ELF1: variants seen among roughly 807,000 people sequenced by gnomAD.
ELF1 encodes E74 like ETS transcription factor 1.
Under a neutral mutation model 59.9 loss-of-function variants are expected in ELF1, and 24 were observed. That is an observed-to-expected ratio of 0.40 (90% CI 0.29 to 0.56). The LOEUF is 0.56. Among genes scored for constraint, ELF1 ranks in the 20% least tolerant of loss-of-function variants. The pLI, the probability that ELF1 is intolerant of heterozygous loss-of-function variation, is 0.44. For synonymous variants in ELF1, 248 were observed against 266.2 expected (o/e 0.93, Z 0.67); for missense variants, 627 against 742.2 (o/e 0.84, Z 1.80).
intron 3 of ELF1, among the ~76,000 whole-genome samples, chr13:40,954,269 C>T (rs975012744): frequency 1.3e-5 from 2 of 152,142 alleles, no homozygotes; most frequent in Non-Finnish European, 2.9e-5. Context: ...TTGGATTTGT[C>T]CCCGCTCCAA....
At chr13:41,016,965 T>A (rs1464611847) in intron 1 of ELF1, among the ~76,000 whole-genome samples, 1 of 110,064 alleles carries the variant, frequency 9.1e-6, no homozygotes, top group East Asian at 2.6e-4. Flanking sequence ...TATATATATA[T>A]ATATATATAT....
intron 1 of ELF1, among the ~76,000 whole-genome samples, chr13:41,057,549 G>A (rs946053302): frequency 3.3e-5 from 5 of 151,956 alleles, no homozygotes; most frequent in African/African-American, 7.3e-5. Flanking sequence ...CAGGTGCAGC[G>A]GGTGCCACCA....
At position 40,958,915 on chromosome 13, in the gene ELF1, A is replaced by G. The variant is rs778688815; in HGVS notation, c.174T>C (p.Asn58=). 5.0e-6 allele frequency: 8 copies of G among 1,614,034 alleles called. No homozygotes were observed. In the South Asian group the frequency reaches 8.8e-5, roughly 18 times the overall value. Residue 58 remains asparagine (N), a synonymous_variant, in exon 3 of 9, where the codon AAT becomes AAC. Transcript: ENST00000239882. ...YAGLACVEEP[N]DMITESSLDV... is the part of the protein sequence containing the mutation. ...CCAGTGAACTCTCAGTAATCATGTC[A>G]TTGGGCTCTTCCACACAGGCTAGAC...
chr13:41,018,978 TA>T (rs1875575663), intron 1 of ELF1, among the ~76,000 whole-genome samples: 1 of 152,206 alleles, frequency 6.6e-6, no homozygotes, highest in African/African-American at 2.4e-5. Flanking sequence ...CTTTTATTCT[TA>T]AATTACATAG....
chr13:40,964,954 A>T (rs776590788), intron 2 of ELF1, among the ~76,000 whole-genome samples: 31 of 152,202 alleles, frequency 2.0e-4, no homozygotes, highest in Non-Finnish European at 4.3e-4. Context: ...AAATAAGGTT[A>T]CACTCTGAGG....
intron 2 of ELF1, among the ~76,000 whole-genome samples, chr13:40,971,440 G>A (rs951772217): frequency 2.6e-5 from 4 of 151,930 alleles, no homozygotes; most frequent in African/African-American, 4.8e-5. Context: ...TAATAGAAAC[G>A]GGGTCTCCCT....
At chr13:40,956,191 G>A (rs1244953287) in intron 3 of ELF1, among the ~76,000 whole-genome samples, 1 of 150,470 alleles carries the variant, frequency 6.6e-6, no homozygotes, top group South Asian at 2.1e-4. Context: ...TGTAGAAAGA[G>A]GTAGACGTGG....
At chr13:41,012,133 C>T (rs1411127726) in intron 1 of ELF1, among the ~76,000 whole-genome samples, 1 of 151,702 alleles carries the variant, frequency 6.6e-6, no homozygotes, top group Non-Finnish European at 1.5e-5. Context: ...ATGGCAAAAC[C>T]TCATCTCTAC....
intron 8 of ELF1, among the ~76,000 whole-genome samples, chr13:40,935,068 G>A (rs1869674066): frequency 6.6e-6 from 1 of 152,140 alleles, no homozygotes. Flanking sequence ...TAAAGCTACA[G>A]TTTAACATAA....
At chr13:40,992,986 A>C in intron 1 of ELF1, 2 of 1,154,026 alleles carry the variant, frequency 1.7e-6, no homozygotes, top group Non-Finnish European at 2.6e-6. Context: ...AAGTCTTCAC[A>C]GGCAATCCAG....
chr13:40,936,782 AAAAAG>A (rs1348598122), intron 8 of ELF1, among the ~76,000 whole-genome samples: 50 of 150,562 alleles, frequency 3.3e-4, no homozygotes, highest in African/African-American at 1.2e-3. Flanking sequence ...AAAAAAGAAA[AAAAAG>A]AAAAAAAAAA....
chr13:41,036,286 T>G (rs2138414210), intron 1 of ELF1, among the ~76,000 whole-genome samples: 1 of 152,318 alleles, frequency 6.6e-6, no homozygotes, highest in South Asian at 2.1e-4. Context: ...AAATAAGATT[T>G]TAGACTCTGG....
intron 2 of ELF1, among the ~76,000 whole-genome samples, chr13:40,970,835 C>G (rs960403490): frequency 1.3e-5 from 2 of 152,172 alleles, no homozygotes; most frequent in African/African-American, 4.8e-5. Context: ...AAACTCACTA[C>G]AGCGCTGTGT....
chr13:41,038,144 G>C (rs906693371), intron 1 of ELF1, among the ~76,000 whole-genome samples: 7 of 150,284 alleles, frequency 4.7e-5, no homozygotes, highest in African/African-American at 1.7e-4. Context: ...GGAATAAATA[G>C]GACAGGATGT....
At chr13:41,057,526 T>A (rs1877332476) in intron 1 of ELF1, among the ~76,000 whole-genome samples, 1 of 152,072 alleles carries the variant, frequency 6.6e-6, no homozygotes, top group Non-Finnish European at 1.5e-5. Context: ...CTTGGCCTCC[T>A]GAATAGCTGA....
chr13:40,988,345 A>C (rs1269102388), intron 1 of ELF1, among the ~76,000 whole-genome samples: 1 of 152,236 alleles, frequency 6.6e-6, no homozygotes, highest in East Asian at 1.9e-4. Context: ...TGGCAAAGAA[A>C]GCAAGAAAAG....
intron 1 of ELF1, among the ~76,000 whole-genome samples, chr13:41,058,010 A>T (rs1252069855): frequency 1.3e-5 from 2 of 152,228 alleles, no homozygotes; most frequent in African/African-American, 4.8e-5. Context: ...CCATTCTATT[A>T]ATTACAAATT....
At chr13:41,039,006 CA>C (rs11405097) in intron 1 of ELF1, among the ~76,000 whole-genome samples, 121 of 76,550 alleles carry the variant, frequency 1.6e-3, no homozygotes, top group Middle Eastern at 6.7e-3. Context: ...GAGACTTTGT[CA>C]AAAAAAAAAA....
chr13:41,031,167 A>AAAG (rs1876146384), intron 1 of ELF1, among the ~76,000 whole-genome samples: 1 of 151,616 alleles, frequency 6.6e-6, no homozygotes, highest in East Asian at 1.9e-4. Context: ...AAAAAAAAAA[A>AAAG]AAAGAAAGAA....
Sources: gnomAD v4.1 joint callset for allele counts (sites outside exome capture counted in the v4.1 genomes callset) on GRCh38, gnomAD v4.1.1 for gene constraint, MANE v1.5 for transcripts, NCBI Gene and HGNC (gene_info 2026-07-23, HGNC 2026-07-21) for gene names.